SH3RF3: variants seen among roughly 807,000 people sequenced by gnomAD.
SH3RF3 encodes the protein E3 ubiquitin-protein ligase SH3RF3.
Under a neutral mutation model 66.3 loss-of-function variants are expected in SH3RF3, and 29 were observed. That is an observed-to-expected ratio of 0.44 (90% CI 0.33 to 0.60). The LOEUF is 0.60. Among genes scored for constraint, SH3RF3 ranks in the 20% least tolerant of loss-of-function variants. The pLI is 0.04. For missense variants in SH3RF3, 1,194 were observed against 1,190.9 expected, an observed-to-expected ratio of 1.00 and a Z score of -0.04; for synonymous variants, 583 against 532.0, an observed-to-expected ratio of 1.10 and a Z score of -1.32.
intron 2 of SH3RF3, among the ~76,000 whole-genome samples, chr2:109,354,184 A>T (rs1682897383): frequency 6.6e-6 from 1 of 152,124 alleles, no homozygotes; most frequent in Non-Finnish European, 1.5e-5. Flanking sequence ...TCTCCCTGCG[A>T]CACAGAGTGG....
intron 1 of SH3RF3, among the ~76,000 whole-genome samples, chr2:109,170,525 T>C (rs1415070982): frequency 6.6e-6 from 1 of 152,006 alleles, no homozygotes; most frequent in East Asian, 1.9e-4. Flanking sequence ...TTTGTATTTT[T>C]AGTAGAGATG....
At chr2:109,325,404 T>C (rs957256983) in intron 1 of SH3RF3, among the ~76,000 whole-genome samples, 13 of 144,178 alleles carry the variant, frequency 9.0e-5, no homozygotes, top group African/African-American at 3.4e-4. Context: ...TACAGTGGTG[T>C]GATCATGGCT....
chr2:109,387,644 C>T (rs1215448251), intron 3 of SH3RF3, among the ~76,000 whole-genome samples: 1 of 152,216 alleles, frequency 6.6e-6, no homozygotes, highest in African/African-American at 2.4e-5. Context: ...TAACCTGCAG[C>T]CCCTCAGCAT....
chr2:109,199,330 A>ATAAAATAAATAAAATAAAAT (rs1558953522), intron 1 of SH3RF3, among the ~76,000 whole-genome samples: 6 of 150,588 alleles, frequency 4.0e-5, no homozygotes, highest in East Asian at 3.9e-4. Context: ...TCAAAAAGTA[A>ATAAAATAAATAAAATAAAAT]AATGGAATGG....
chr2:109,325,470 A>AGATG (rs1004961784), intron 1 of SH3RF3, among the ~76,000 whole-genome samples: 1 of 150,846 alleles, frequency 6.6e-6, no homozygotes, highest in African/African-American at 2.4e-5. Flanking sequence ...CCTCCTGAGT[A>AGATG]GATGGGACTA....
chr2:109,144,745 A>G (rs1677052613), intron 1 of SH3RF3, among the ~76,000 whole-genome samples: 1 of 152,224 alleles, frequency 6.6e-6, no homozygotes, highest in African/African-American at 2.4e-5. Context: ...CATGCCTGGC[A>G]GGGGCCACCT....
rs960861627 is a variant in SH3RF3, at chr2:109,164,889, A to G, written c.573+34776A>G. Among the ~76,000 whole-genome samples the G allele has an allele frequency of 9.2e-5, 14 of 152,210 alleles. No individual in the cohort carries two copies. In the East Asian group the frequency reaches 2.3e-3, roughly 25 times the overall value. ...CAAGTTCCTTTAGGGTTTCAAAGGC[A>G]CTTATGGATGATGGTCATGACACTA... On this transcript the variant is annotated intron_variant, in intron 1 of 9. Transcript: ENST00000309415.
intron 7 of SH3RF3, among the ~76,000 whole-genome samples, chr2:109,439,313 C>T (rs1677498438): frequency 6.6e-6 from 1 of 152,164 alleles, no homozygotes; most frequent in Admixed American, 6.5e-5. Flanking sequence ...CAGCACTTGT[C>T]CCCACGCTAT....
intron 1 of SH3RF3, among the ~76,000 whole-genome samples, chr2:109,142,597 C>T (rs2104837278): frequency 6.6e-6 from 1 of 152,260 alleles, no homozygotes; most frequent in African/African-American, 2.4e-5. Context: ...GTCCTGTCAC[C>T]AGAAGCCTCT....
chr2:109,199,591 A>ACCGTG (rs1678603876), intron 1 of SH3RF3, among the ~76,000 whole-genome samples: 1 of 178 alleles, frequency 5.6e-3, no homozygotes, highest in Admixed American at 0.056. Context: ...ATGGAATGGA[A>ACCGTG]TGGAATGGAA....
intron 8 of SH3RF3, among the ~76,000 whole-genome samples, chr2:109,472,521 G>C (rs747692968): frequency 1.2e-4 from 19 of 152,196 alleles, no homozygotes; most frequent in Non-Finnish European, 2.6e-4. Context: ...TTTGATTTAC[G>C]GTTGCTGCCT....
chr2:109,320,224 T>C (rs1467453582), intron 1 of SH3RF3, among the ~76,000 whole-genome samples: 2 of 152,134 alleles, frequency 1.3e-5, no homozygotes, highest in Admixed American at 6.5e-5. Context: ...TCTAATTCCA[T>C]TTTTGAGGGC....
intron 1 of SH3RF3, among the ~76,000 whole-genome samples, chr2:109,198,904 G>A (rs998458817): frequency 1.3e-5 from 2 of 152,220 alleles, no homozygotes. Flanking sequence ...GCAAATGTTT[G>A]CGTAGCTAAA....
intron 1 of SH3RF3, among the ~76,000 whole-genome samples, chr2:109,247,998 C>T (rs929193987): frequency 1.3e-5 from 2 of 152,142 alleles, no homozygotes; most frequent in African/African-American, 4.8e-5. Flanking sequence ...TCTCATTAGC[C>T]AAAGGAAGTC....
rs117027947 is a variant in SH3RF3, at chr2:109,162,794, A to T, written c.573+32681A>T. Reference sequence around the variant, plus strand: ...ATTTCTAGTTCTAGATCCCCGAGGAATCACCTTTTAACAATGAGAATAATG... The same window carrying T: ...ATTTCTAGTTCTAGATCCCCGAGGATTCACCTTTTAACAATGAGAATAATG... On this transcript the variant is annotated intron_variant, in intron 1 of 9. Coordinates refer to ENST00000309415, the MANE Select transcript of SH3RF3 (RefSeq NM_001099289.3). Among the ~76,000 whole-genome samples the T allele has an allele frequency of 1.4e-3, 216 of 152,344 alleles. 3 individuals are homozygous for T. The East Asian group carries it at 0.04, about 28-fold the overall frequency.
rs139466333 is a variant in SH3RF3, at chr2:109,407,280, T to A, written c.1299+8337T>A. ...TTAGGAACATACCCTTTAAAATCAA[T>A]GGAAGGGGAAGTGTTTGAAATTCAG... On this transcript the variant is annotated intron_variant, in intron 4 of 9. Transcript: ENST00000309415. Among the ~76,000 whole-genome samples, 513 of 152,236 alleles carry A rather than the reference T, an allele frequency of 3.4e-3. 5 individuals are homozygous for A. The highest frequency in any genetic ancestry group is 5.0e-3 in the Non-Finnish European group (342 of 68,018).
At chr2:109,388,028 G>A (rs1198820050) in intron 3 of SH3RF3, among the ~76,000 whole-genome samples, 2 of 152,122 alleles carry the variant, frequency 1.3e-5, no homozygotes, top group African/African-American at 4.8e-5. Context: ...TGTCCATCCT[G>A]ACTCCTGTTC....
At chr2:109,292,289 G>GA (rs1405768540) in intron 1 of SH3RF3, among the ~76,000 whole-genome samples, 3 of 152,158 alleles carry the variant, frequency 2.0e-5, no homozygotes, top group Non-Finnish European at 4.4e-5. Context: ...GCCCTTTTCA[G>GA]AATCCAGAGA....
chr2:109,437,234 C>T (rs1325377831), intron 7 of SH3RF3, 88 bp downstream of exon 7: 1 of 1,485,312 alleles, frequency 6.7e-7, no homozygotes, highest in Non-Finnish European at 9.0e-7. Context: ...CCCAAGGCTC[C>T]AGCAGTGCAT....
Sources: allele counts gnomAD v4.1 joint callset (sites outside exome capture counted in the v4.1 genomes callset), GRCh38; gene constraint gnomAD v4.1.1; transcripts MANE v1.5; gene names NCBI Gene and HGNC (gene_info 2026-07-23, HGNC 2026-07-21).